NBEA: variants seen among roughly 807,000 people sequenced by gnomAD.
NBEA encodes neurobeachin.
In NBEA, 44 loss-of-function variants were observed where a neutral mutation model predicts 343.4. That is an observed-to-expected ratio of 0.13 (90% CI 0.10 to 0.16). The LOEUF (loss-of-function observed/expected upper bound fraction) is 0.16, where lower values mean the gene tolerates loss of function less well. Ranked by LOEUF, NBEA falls within the 10% of genes least tolerant of loss-of-function variation. NBEA has a pLI of 1.00. For synonymous variants in NBEA, 1,175 were observed against 1,238.7 expected (o/e 0.95, Z 1.08); for missense variants, 2,555 against 3,631.3 (o/e 0.70, Z 7.62).
chr13:35,202,998 A>G (rs1256929954), intron 31 of NBEA, among the ~76,000 whole-genome samples: 1 of 152,018 alleles, frequency 6.6e-6, no homozygotes, highest in Non-Finnish European at 1.5e-5. Context: ...ACTTCTCACC[A>G]GGTTTTACTT....
chr13:34,946,760 G>T (rs2059196962), intron 1 of NBEA, among the ~76,000 whole-genome samples: 1 of 148,986 alleles, frequency 6.7e-6, no homozygotes, highest in Non-Finnish European at 1.5e-5. Flanking sequence ...AGCCTAATAA[G>T]ATGCTTTGAA....
intron 41 of NBEA, among the ~76,000 whole-genome samples, chr13:35,481,645 A>G (rs1215815092): frequency 2.6e-5 from 4 of 151,894 alleles, no homozygotes; most frequent in South Asian, 2.1e-4. Context: ...AGTTACTATT[A>G]TCTTTCTAAT....
chr13:35,313,139 C>A (rs1419622066), intron 36 of NBEA, among the ~76,000 whole-genome samples: 1 of 152,130 alleles, frequency 6.6e-6, no homozygotes, highest in Admixed American at 6.5e-5. Context: ...CATCTTGACA[C>A]GACTGGTTGT....
At chr13:35,503,423 G>T (rs976907033) in intron 41 of NBEA, among the ~76,000 whole-genome samples, 3 of 151,576 alleles carry the variant, frequency 2.0e-5, no homozygotes, top group Non-Finnish European at 4.4e-5. Flanking sequence ...AATATAATAT[G>T]AACATATTTC....
chr13:35,501,560 T>C (rs1270282838), intron 41 of NBEA, among the ~76,000 whole-genome samples: 3 of 152,170 alleles, frequency 2.0e-5, no homozygotes, highest in African/African-American at 7.2e-5. Flanking sequence ...GCCTGGTAAA[T>C]AGTAATCAGG....
At chr13:35,539,311 A>G (rs559142428) in intron 41 of NBEA, among the ~76,000 whole-genome samples, 1 of 152,164 alleles carries the variant, frequency 6.6e-6, no homozygotes, top group African/African-American at 2.4e-5. Flanking sequence ...CAGAAGAACA[A>G]AATCAGAAGG....
chr13:35,539,915 C>CAAAAAAAA (rs71081262), intron 41 of NBEA, among the ~76,000 whole-genome samples: 487 of 39,556 alleles, frequency 0.012, 93 homozygotes, highest in East Asian at 0.031. Context: ...GACTCCGTCT[C>CAAAAAAAA]AAAAAAAAAA....
intron 38 of NBEA, among the ~76,000 whole-genome samples, chr13:35,363,314 C>T (rs573253099): frequency 9.2e-5 from 14 of 151,966 alleles, no homozygotes; most frequent in African/African-American, 3.4e-4. Flanking sequence ...AGGTCTGTTT[C>T]TGGCCAAAAT....
intron 13 of NBEA, among the ~76,000 whole-genome samples, chr13:35,116,452 G>A (rs1162061599): frequency 6.6e-6 from 1 of 152,136 alleles, no homozygotes; most frequent in Non-Finnish European, 1.5e-5. Context: ...GAGGGGAAGA[G>A]TACTTTGTGC....
intron 41 of NBEA, among the ~76,000 whole-genome samples, chr13:35,503,182 T>C (rs1446752453): frequency 6.6e-6 from 1 of 151,906 alleles, no homozygotes; most frequent in African/African-American, 2.4e-5. Flanking sequence ...AATGTACTCA[T>C]TGGTTTTTTC....
At chr13:35,099,695 T>A (rs1357306205) in intron 11 of NBEA, among the ~76,000 whole-genome samples, 1 of 152,162 alleles carries the variant, frequency 6.6e-6, no homozygotes. Context: ...GTTTTTCTGA[T>A]CTACGCATAA....
intron 34 of NBEA, among the ~76,000 whole-genome samples, chr13:35,279,705 AGGGCATGTCAACTTT>A (rs1207511574): frequency 6.6e-6 from 1 of 152,152 alleles, no homozygotes; most frequent in Non-Finnish European, 1.5e-5. Context: ...GGTCAGGCCC[AGGGCATGTCAACTTT>A]GACCATCAGT....
chr13:35,498,187 C>A lies in NBEA; in HGVS notation c.6585+25651C>A, dbSNP rs569632275. 3.3e-5 allele frequency among the ~76,000 whole-genome samples: 5 copies of A among 152,112 alleles called. No homozygotes were observed. The East Asian group carries it at 9.7e-4, about 30-fold the overall frequency. The stretch of plus-strand genomic sequence containing the variant: ...TTACTGTTTATGTATAGGTTAAATA[C>A]TTCACTTGTAATGTCCATCTTGTAA... On this transcript the variant is annotated intron_variant, in intron 41 of 58. Coordinates refer to ENST00000379939, the MANE Select transcript of NBEA (RefSeq NM_001385012.1).
intron 17 of NBEA, among the ~76,000 whole-genome samples, chr13:35,124,496 A>G (rs1267771388): frequency 6.8e-5 from 10 of 147,572 alleles, no homozygotes; most frequent in Admixed American, 6.1e-4. Flanking sequence ...ATGTGTGTGT[A>G]TACACACACA....
At chr13:35,437,264 A>G (rs74054543) in intron 39 of NBEA, among the ~76,000 whole-genome samples, 1 of 152,326 alleles carries the variant, frequency 6.6e-6, no homozygotes, top group African/African-American at 2.4e-5. Flanking sequence ...TGCCTCAAAT[A>G]TATTAATAAT....
intron 1 of NBEA, among the ~76,000 whole-genome samples, chr13:34,995,387 C>T (rs910468049): frequency 1.1e-4 from 16 of 150,146 alleles, no homozygotes; most frequent in Non-Finnish European, 3.0e-5. Context: ...TGCCACTGCA[C>T]TCCAGCCTGG....
At chr13:35,664,186 A>G (rs2085240310) in intron 55 of NBEA, among the ~76,000 whole-genome samples, 1 of 152,174 alleles carries the variant, frequency 6.6e-6, no homozygotes, top group African/African-American at 2.4e-5. Flanking sequence ...AGAAGGGGCT[A>G]TTCAGGGGGA....
intron 41 of NBEA, among the ~76,000 whole-genome samples, chr13:35,515,864 A>G (rs987830288): frequency 6.6e-6 from 1 of 152,032 alleles, no homozygotes; most frequent in Non-Finnish European, 1.5e-5. Flanking sequence ...CCTGTTTCTT[A>G]TAACTTCTCA....
chr13:35,241,607 G>C (rs2152778666), intron 34 of NBEA, among the ~76,000 whole-genome samples: 1 of 151,870 alleles, frequency 6.6e-6, no homozygotes, highest in African/African-American at 2.4e-5. Flanking sequence ...AAAAGATTGA[G>C]AGTAACATGA....
Sources: allele counts gnomAD v4.1 joint callset (sites outside exome capture counted in the v4.1 genomes callset), GRCh38; gene constraint gnomAD v4.1.1; transcripts MANE v1.5; gene names NCBI Gene and HGNC (gene_info 2026-07-23, HGNC 2026-07-21).